CDK8: variants seen among roughly 807,000 people sequenced by gnomAD.
CDK8 encodes the protein cyclin dependent kinase 8, also known as cyclin-dependent kinase 8.
Under a neutral mutation model 71.5 loss-of-function variants are expected in CDK8, and 29 were observed. That is an observed-to-expected ratio of 0.41 (90% CI 0.30 to 0.55). CDK8 has a LOEUF of 0.55. Ranked by LOEUF, CDK8 falls within the 20% of genes least tolerant of loss-of-function variation. CDK8 has a pLI of 0.37. For missense variants in CDK8, 288 were observed against 572.6 expected, an observed-to-expected ratio of 0.50 and a Z score of 5.07; for synonymous variants, 161 against 192.1, an observed-to-expected ratio of 0.84 and a Z score of 1.34.
chr13:26,359,278 G>C (rs1325364426), intron 4 of CDK8, among the ~76,000 whole-genome samples: 4 of 152,226 alleles, frequency 2.6e-5, no homozygotes, highest in Non-Finnish European at 1.5e-5. Context: ...AGAGTTTGGA[G>C]ATGTACGGTG....
intron 1 of CDK8, among the ~76,000 whole-genome samples, chr13:26,263,224 T>C (rs1593223845): frequency 2.0e-5 from 3 of 151,992 alleles, no homozygotes; most frequent in South Asian, 2.1e-4. Context: ...CTAGCTCCGC[T>C]TCCCGGGTTC....
At chr13:26,343,101 G>A (rs753304221) in intron 2 of CDK8, among the ~76,000 whole-genome samples, 1 of 152,042 alleles carries the variant, frequency 6.6e-6, no homozygotes, top group Non-Finnish European at 1.5e-5. Flanking sequence ...TTCTTAAAAG[G>A]CCTTATCTCC....
chr13:26,366,379 A>T (rs1370564205), intron 4 of CDK8, among the ~76,000 whole-genome samples: 3 of 151,946 alleles, frequency 2.0e-5, no homozygotes, highest in African/African-American at 7.2e-5. Flanking sequence ...AACATACAAT[A>T]TTTTTTTTAA....
intron 1 of CDK8, among the ~76,000 whole-genome samples, chr13:26,305,726 G>A (rs1017719904): frequency 6.6e-6 from 1 of 151,966 alleles, no homozygotes; most frequent in Admixed American, 6.6e-5. Flanking sequence ...TACAGCATTT[G>A]CTTTTAAACC....
At chr13:26,356,635 T>A (rs924142383) in intron 4 of CDK8, among the ~76,000 whole-genome samples, 1 of 152,170 alleles carries the variant, frequency 6.6e-6, no homozygotes, top group Non-Finnish European at 1.5e-5. Context: ...AACACCTTCC[T>A]GCCAACTGAA....
At chr13:26,346,743 T>G (rs1873475934) in intron 2 of CDK8, among the ~76,000 whole-genome samples, 1 of 152,246 alleles carries the variant, frequency 6.6e-6, no homozygotes, top group Non-Finnish European at 1.5e-5. Flanking sequence ...AATTATATTC[T>G]AAAAGCAGAA....
At chr13:26,396,030 C>A (rs1433040994) in intron 7 of CDK8, among the ~76,000 whole-genome samples, 1 of 151,964 alleles carries the variant, frequency 6.6e-6, no homozygotes, top group African/African-American at 2.4e-5. Context: ...GAAATTGAGG[C>A]AGCTTATAGT....
At chr13:26,368,044 G>A (rs1401143235) in intron 4 of CDK8, among the ~76,000 whole-genome samples, 1 of 152,172 alleles carries the variant, frequency 6.6e-6, no homozygotes, top group African/African-American at 2.4e-5. Context: ...TTCTGCTGCT[G>A]GGAAATGGAT....
At chr13:26,370,428 C>A (rs1874611240) in intron 4 of CDK8, among the ~76,000 whole-genome samples, 3 of 152,098 alleles carry the variant, frequency 2.0e-5, no homozygotes, top group African/African-American at 7.2e-5. Flanking sequence ...AAATATAACA[C>A]AAAATTCAAT....
chr13:26,350,762 A>G (rs540083150), intron 3 of CDK8, among the ~76,000 whole-genome samples: 6 of 152,302 alleles, frequency 3.9e-5, no homozygotes, highest in African/African-American at 1.4e-4. Flanking sequence ...TGCATTGCAG[A>G]AAATGATGCT....
rs188607447 is a variant in CDK8, at chr13:26,283,009, C to T, written c.128+28240C>T. 3.9e-4 allele frequency among the ~76,000 whole-genome samples: 59 copies of T among 152,326 alleles called. No homozygotes were observed. The East Asian group carries it at 0.011, about 29-fold the overall frequency. On this transcript the variant is annotated intron_variant, in intron 1 of 12. Transcript: ENST00000381527. ...AAAAGAATCCAGCAGGAAAATATCA[C>T]AGTCCTAAATATATATGGACCTAAC...
At chr13:26,314,697 A>T (rs1418493206) in intron 1 of CDK8, among the ~76,000 whole-genome samples, 1 of 152,212 alleles carries the variant, frequency 6.6e-6, no homozygotes. Flanking sequence ...AAAATTTGGC[A>T]TTGTAGTAGC....
chr13:26,392,762 A>G (rs1454740952), intron 6 of CDK8, among the ~76,000 whole-genome samples: 1 of 152,212 alleles, frequency 6.6e-6, no homozygotes, highest in Non-Finnish European at 1.5e-5. Flanking sequence ...TAAAGTAGAA[A>G]TGCTGTTAAT....
rs114840285 is a variant in CDK8 at position 26,402,454 on chromosome 13, A to C, written c.1269+830A>C. 6.6e-3 allele frequency among the ~76,000 whole-genome samples: 1,002 copies of C among 152,306 alleles called. 10 individuals carry two copies. The highest frequency in any genetic ancestry group is 0.021 in the African/African-American group (867 of 41,566). On this transcript the variant is annotated intron_variant, in intron 12 of 12. Transcript: ENST00000381527. ...AAGGATACTGAAAATCTGACCAATT[A>C]GAATTATTTACACACAAAAAAAAAG...
intron 1 of CDK8, among the ~76,000 whole-genome samples, chr13:26,264,827 T>A (rs1039520866): frequency 6.6e-6 from 1 of 152,242 alleles, no homozygotes; most frequent in Non-Finnish European, 1.5e-5. Flanking sequence ...GAACATATGA[T>A]ATTTGTCTTT....
intron 1 of CDK8, among the ~76,000 whole-genome samples, chr13:26,336,888 C>G (rs994203143): frequency 2.0e-5 from 3 of 152,110 alleles, no homozygotes; most frequent in African/African-American, 7.2e-5. Flanking sequence ...TCCACCAAGT[C>G]CCCTTTGAGT....
intron 1 of CDK8, among the ~76,000 whole-genome samples, chr13:26,268,175 T>A (rs141776631): frequency 1.3e-5 from 2 of 151,968 alleles, no homozygotes; most frequent in East Asian, 3.9e-4. Context: ...AGTAATGACA[T>A]GTTTGAATCA....
rs1555230791 is a variant in CDK8, at chr13:26,336,142, C to CACACAT, written c.129-1424_129-1423insCACATA. Among the ~76,000 whole-genome samples, 35 of 151,086 alleles carry CACACAT rather than the reference C, an allele frequency of 2.3e-4. No individual in the cohort carries two copies. In the South Asian group the frequency reaches 6.9e-3, roughly 30 times the overall value. On this transcript the variant is annotated intron_variant, in intron 1 of 12. Coordinates refer to ENST00000381527, the MANE Select transcript of CDK8 (RefSeq NM_001260.3). ...AAACATACACACACACACACACACA[C>CACACAT]ATACACACATACACACACACAATCA...
At chr13:26,369,709 CTTTTTTTTTT>C (rs36116401) in intron 4 of CDK8, among the ~76,000 whole-genome samples, 2 of 95,386 alleles carry the variant, frequency 2.1e-5, no homozygotes, top group African/African-American at 4.0e-5. Flanking sequence ...TTCTTTCTTT[CTTTTTTTTTT>C]TTTTTTTTTT....
Sources: allele counts gnomAD v4.1 joint callset (sites outside exome capture counted in the v4.1 genomes callset), GRCh38; gene constraint gnomAD v4.1.1; transcripts MANE v1.5; gene names NCBI Gene and HGNC (gene_info 2026-07-23, HGNC 2026-07-21).